The following RBMS3 variants were observed in gnomAD, a reference collection of about 807,000 sequenced individuals.
RBMS3 encodes RNA-binding motif, single-stranded-interacting protein 3.
A neutral mutation model predicts 66.8 loss-of-function variants in RBMS3; 27 were observed. That is an observed-to-expected ratio of 0.40 (90% CI 0.30 to 0.56). The LOEUF (loss-of-function observed/expected upper bound fraction) is 0.56, where lower values mean the gene tolerates loss of function less well. Ranked by LOEUF, RBMS3 falls within the 20% of genes least tolerant of loss-of-function variation. RBMS3 has a pLI of 0.40. For synonymous variants in RBMS3, 188 were observed against 183.0 expected (o/e 1.03, Z -0.22); for missense variants, 513 against 549.5 (o/e 0.93, Z 0.66).
At chr3:29,793,583 A>C (rs2149431030) in intron 6 of RBMS3, among the ~76,000 whole-genome samples, 1 of 152,336 alleles carries the variant, frequency 6.6e-6, no homozygotes, top group Non-Finnish European at 1.5e-5. Context: ...TATTTTGAAG[A>C]GCTTAATAAA....
At chr3:29,654,070 T>C (rs1188930822) in intron 4 of RBMS3, among the ~76,000 whole-genome samples, 1 of 152,186 alleles carries the variant, frequency 6.6e-6, no homozygotes, top group African/African-American at 2.4e-5. Flanking sequence ...AACAGGAAAT[T>C]GGTAGTAAGT....
At chr3:29,775,012 G>C (rs1479370355) in intron 6 of RBMS3, among the ~76,000 whole-genome samples, 3 of 151,602 alleles carry the variant, frequency 2.0e-5, no homozygotes, top group Non-Finnish European at 4.4e-5. Context: ...AGTGTAAAGA[G>C]GCCCTGAGAC....
intron 3 of RBMS3, among the ~76,000 whole-genome samples, chr3:29,561,424 CTGTTGTTTT>C (rs1460319776): frequency 0.011 from 1,614 of 144,514 alleles, 30 homozygotes; most frequent in African/African-American, 0.043. Context: ...TTGCCAGCAT[CTGTTGTTTT>C]TGTTGTTGTT....
At chr3:29,605,335 C>T (rs1384716844) in intron 4 of RBMS3, among the ~76,000 whole-genome samples, 2 of 151,930 alleles carry the variant, frequency 1.3e-5, no homozygotes, top group Middle Eastern at 3.4e-3. Flanking sequence ...TTAACAAAGG[C>T]AATTCCTCAT....
At chr3:29,418,598 C>G (rs1575761975) in intron 1 of RBMS3, among the ~76,000 whole-genome samples, 1 of 152,194 alleles carries the variant, frequency 6.6e-6, no homozygotes, top group East Asian at 1.9e-4. Flanking sequence ...CATGACTAAA[C>G]TGGGAGGATT....
At chr3:29,314,513 T>G (rs1380636162) in intron 1 of RBMS3, among the ~76,000 whole-genome samples, 1 of 151,702 alleles carries the variant, frequency 6.6e-6, no homozygotes, top group East Asian at 2.0e-4. Flanking sequence ...CAGGCTGAGG[T>G]TTATAAAGTT....
chr3:29,872,151 T>G (rs946894628), intron 7 of RBMS3, among the ~76,000 whole-genome samples: 5 of 152,114 alleles, frequency 3.3e-5, no homozygotes, highest in Non-Finnish European at 5.9e-5. Flanking sequence ...TTTCCTTAAG[T>G]AGCTGTTCTC....
intron 1 of RBMS3, among the ~76,000 whole-genome samples, chr3:29,383,012 C>G (rs1456687367): frequency 6.6e-6 from 1 of 152,186 alleles, no homozygotes; most frequent in Non-Finnish European, 1.5e-5. Context: ...TTCAATGGGT[C>G]AGGTGTAACT....
intron 4 of RBMS3, among the ~76,000 whole-genome samples, chr3:29,677,367 T>A (rs2051299975): frequency 6.6e-6 from 1 of 152,220 alleles, no homozygotes; most frequent in African/African-American, 2.4e-5. Context: ...GCCTTAATAA[T>A]TTTTTCTCTG....
intron 2 of RBMS3, among the ~76,000 whole-genome samples, chr3:29,464,207 A>G (rs573597248): frequency 3.0e-4 from 45 of 152,306 alleles, no homozygotes; most frequent in African/African-American, 9.1e-4. Flanking sequence ...TAGAAAAACC[A>G]TGCGTAAGTC....
intron 6 of RBMS3, among the ~76,000 whole-genome samples, chr3:29,796,440 G>T (rs1364710967): frequency 6.6e-6 from 1 of 152,082 alleles, no homozygotes. Context: ...GTTATTAATG[G>T]CATCTAGAAT....
intron 4 of RBMS3, among the ~76,000 whole-genome samples, chr3:29,725,850 C>G (rs1365812783): frequency 6.6e-6 from 1 of 152,164 alleles, no homozygotes; most frequent in African/African-American, 2.4e-5. Flanking sequence ...TCCTCCCTAA[C>G]TCACCCTATG....
rs184530416 is a variant in RBMS3 at position 29,606,642 on chromosome 3, A to G, written c.399+19437A>G. Reference sequence around the variant, plus strand: ...TATGACTGTATTTTATATATGCAATATAAAATCACAACCAGACATAAGTGG... The same window carrying G: ...TATGACTGTATTTTATATATGCAATGTAAAATCACAACCAGACATAAGTGG... On this transcript the variant is annotated intron_variant, in intron 4 of 14. Coordinates refer to ENST00000383767, the MANE Select transcript of RBMS3 (RefSeq NM_001003793.3). Among the ~76,000 whole-genome samples, 1,427 of 152,084 alleles carry G rather than the reference A, an allele frequency of 9.4e-3. 10 individuals carry two copies. Among genetic ancestry groups the G allele is most frequent in the Middle Eastern group, 0.02 (6 of 294 alleles).
chr3:29,505,783 G>A (rs535877775), intron 3 of RBMS3, among the ~76,000 whole-genome samples: 1 of 151,000 alleles, frequency 6.6e-6, no homozygotes, highest in African/African-American at 2.4e-5. Context: ...TTAATGTACA[G>A]GCCTTTCATC....
intron 3 of RBMS3, among the ~76,000 whole-genome samples, chr3:29,509,707 C>A (rs977804850): frequency 1.1e-4 from 17 of 152,192 alleles, no homozygotes; most frequent in Non-Finnish European, 1.6e-4. Context: ...TCCCTTAATA[C>A]AAGTCTGTTC....
At chr3:29,984,466 T>C (rs146225754) in intron 12 of RBMS3, among the ~76,000 whole-genome samples, 139 of 151,904 alleles carry the variant, frequency 9.2e-4, no homozygotes, top group African/African-American at 3.3e-3. Flanking sequence ...TGGCGAGAAG[T>C]TGTGATCCTT....
intron 8 of RBMS3, among the ~76,000 whole-genome samples, chr3:29,893,525 C>A (rs1052015899): frequency 6.6e-6 from 1 of 151,464 alleles, no homozygotes; most frequent in Non-Finnish European, 1.5e-5. Flanking sequence ...AGAAGTTAAA[C>A]CACTGCATGG....
intron 7 of RBMS3, among the ~76,000 whole-genome samples, chr3:29,878,088 C>A (rs1276356717): frequency 2.0e-5 from 3 of 152,038 alleles, no homozygotes; most frequent in Non-Finnish European, 2.9e-5. Context: ...GTTAGATTCT[C>A]AAAAGGAGTG....
intron 3 of RBMS3, among the ~76,000 whole-genome samples, chr3:29,515,529 G>A (rs181107296): frequency 3.3e-5 from 5 of 152,322 alleles, no homozygotes; most frequent in Admixed American, 1.3e-4. Context: ...AAGGAAGAAA[G>A]CTAGATGCAG....
Sources: allele counts gnomAD v4.1 joint callset (sites outside exome capture counted in the v4.1 genomes callset), GRCh38; gene constraint gnomAD v4.1.1; transcripts MANE v1.5; gene names NCBI Gene and HGNC (gene_info 2026-07-23, HGNC 2026-07-21).